Variants in ITGA2 observed in about 807,000 individuals in gnomAD.
ITGA2 encodes integrin alpha-2.
ITGA2 carries 101 observed loss-of-function variants against 146.3 expected under a neutral mutation model. That is an observed-to-expected ratio of 0.69 (90% CI 0.59 to 0.81). The LOEUF is 0.81. ITGA2 is among the 40% of genes least tolerant of loss of function. The probability of loss-of-function intolerance (pLI) is 0.00; values close to 1 mark genes in which losing one functional copy is unlikely to be tolerated. For synonymous variants in ITGA2, 477 were observed against 487.1 expected, an observed-to-expected ratio of 0.98 and a Z score of 0.27; for missense variants, 1,281 against 1,402.7, an observed-to-expected ratio of 0.91 and a Z score of 1.39.
intron 2 of ITGA2, among the ~76,000 whole-genome samples, chr5:53,029,557 C>T (rs1218146143): frequency 6.6e-6 from 1 of 152,198 alleles, no homozygotes; most frequent in African/African-American, 2.4e-5. Context: ...TCCTCATAGA[C>T]CTTTCAGAGC....
chr5:53,011,515 C>G (rs1394162811), intron 1 of ITGA2, among the ~76,000 whole-genome samples: 1 of 152,132 alleles, frequency 6.6e-6, no homozygotes, highest in African/African-American at 2.4e-5. Context: ...CCTCAAAGTC[C>G]TATTCAGCTT....
At chr5:53,023,130 A>C (rs1742770311) in intron 1 of ITGA2, among the ~76,000 whole-genome samples, 1 of 152,240 alleles carries the variant, frequency 6.6e-6, no homozygotes, top group South Asian at 2.1e-4. Flanking sequence ...AGGACAAAGA[A>C]GGAAGATTTA....
intron 18 of ITGA2, 65 bp downstream of exon 18, chr5:53,072,113 T>C: frequency 8.9e-7 from 1 of 1,124,292 alleles, no homozygotes; most frequent in African/African-American, 1.5e-5. Flanking sequence ...ACTGCAATAG[T>C]GTCTGAAGGA....
Position 53,092,935 on chromosome 5 carries a change from C to G in ITGA2, c.*2336C>G, listed in dbSNP as rs1216262857. 1.7e-5 allele frequency: 2 copies of G among 120,600 alleles called. No individual in the cohort carries two copies. The highest frequency in any genetic ancestry group is 3.5e-5 in the Non-Finnish European group (2 of 56,370). 7.5% of individuals were successfully genotyped at this position (120,600 alleles called of 1,614,324 possible). On this transcript the variant is annotated 3_prime_UTR_variant, in exon 30 of 30. Transcript: ENST00000296585. ...CTAGCCTGGCCAACATGGTGAAACC[C>G]CATCTCTAATAATATAAAAATTAGC... is the stretch of plus-strand genomic sequence containing the variant.
chr5:53,048,795 T>G, intron 6 of ITGA2, 25 bp downstream of exon 6: 1 of 1,611,592 alleles, frequency 6.2e-7, no homozygotes, highest in African/African-American at 1.3e-5. Context: ...AATGCATAAC[T>G]AACTTATGGC....
intron 25 of ITGA2, among the ~76,000 whole-genome samples, chr5:53,081,165 C>T (rs1745898710): frequency 6.6e-6 from 1 of 152,132 alleles, no homozygotes; most frequent in African/African-American, 2.4e-5. Flanking sequence ...TAACACGCAA[C>T]CTGGGCTGAG....
chr5:53,072,564 C>A, intron 18 of ITGA2, 49 bp from the exon 19 acceptor site: 1 of 1,422,448 alleles, frequency 7.0e-7, no homozygotes, highest in Middle Eastern at 1.8e-4. Context: ...CTGTAATTTG[C>A]TTTTTCAACC....
At chr5:53,064,186 A>G (rs1281422051) in intron 13 of ITGA2, among the ~76,000 whole-genome samples, 1 of 151,956 alleles carries the variant, frequency 6.6e-6, no homozygotes, top group African/African-American at 2.4e-5. Flanking sequence ...GGTAATTTTT[A>G]CAGAAAGCCT....
At chr5:53,067,357 G>A (rs918622051) in intron 16 of ITGA2, 100 bp downstream of exon 16, 2 of 1,323,736 alleles carry the variant, frequency 1.5e-6, no homozygotes, top group Non-Finnish European at 2.1e-6. Context: ...AGAAATAAGG[G>A]TTTTAGTTAT....
Position 53,048,420 on chromosome 5 carries a change from T to C in ITGA2, c.445T>C (p.Cys149Arg). The change falls in exon 5 of 30, where the codon TGT (cysteine) becomes CGT (arginine). Residue 149 changes from cysteine (C) to arginine (R), a missense_variant. Physicochemically the swap from Cys to Arg is radical, Grantham distance 180. Around this residue, in one of 3 missense-constraint regions of ITGA2, gnomAD observed 795 missense variants for 841.7 expected, o/e 0.94. Coordinates refer to ENST00000296585, the MANE Select transcript of ITGA2 (RefSeq NM_002203.4). ...GAATCAGTATTACACAACGGGTGTG[T>C]GTTCTGACATCAGTCCTGATTTTCA... The part of the protein sequence containing the change: ...CGNQYYTTGV[C>R]SDISPDFQLS... The C allele has an allele frequency of 6.2e-7, 1 of 1,614,166 alleles. No individual in the cohort carries two copies. Among genetic ancestry groups the C allele is most frequent in the Non-Finnish European group, 8.5e-7 (1 of 1,180,002 alleles).
intron 2 of ITGA2, among the ~76,000 whole-genome samples, chr5:53,038,454 G>A (rs1743607508): frequency 6.6e-6 from 1 of 152,170 alleles, no homozygotes; most frequent in Admixed American, 6.5e-5. Context: ...AGGCCCCACA[G>A]TATGGATGTA....
intron 1 of ITGA2, among the ~76,000 whole-genome samples, chr5:53,016,321 C>G (rs900809530): frequency 6.6e-6 from 1 of 152,154 alleles, no homozygotes; most frequent in African/African-American, 2.4e-5. Context: ...CTGAAAAGAT[C>G]TTATTTCTCC....
chr5:53,081,180 G>A (rs1203104484), intron 25 of ITGA2, among the ~76,000 whole-genome samples: 10 of 152,132 alleles, frequency 6.6e-5, no homozygotes, highest in Admixed American at 6.6e-5. Flanking sequence ...GCTGAGAAGC[G>A]CTGCTCTAGC....
intron 12 of ITGA2, among the ~76,000 whole-genome samples, chr5:53,062,227 A>G (rs542738995): frequency 6.6e-6 from 1 of 151,952 alleles, no homozygotes; most frequent in African/African-American, 2.4e-5. Flanking sequence ...AGAAAACTCC[A>G]TGTCCTTCTT....
At chr5:53,004,482 G>C (rs536629393) in intron 1 of ITGA2, among the ~76,000 whole-genome samples, 4 of 151,992 alleles carry the variant, frequency 2.6e-5, no homozygotes, top group African/African-American at 4.8e-5. Context: ...TTTATTTAAG[G>C]GACCTTCTTA....
intron 1 of ITGA2, among the ~76,000 whole-genome samples, chr5:52,995,071 A>T (rs1741168972): frequency 6.6e-6 from 1 of 152,222 alleles, no homozygotes; most frequent in Non-Finnish European, 1.5e-5. Context: ...CCTGGGGCAG[A>T]TGTTTAGGTT....
intron 11 of ITGA2, among the ~76,000 whole-genome samples, chr5:53,060,681 G>A (rs1273475930): frequency 6.6e-6 from 1 of 151,852 alleles, no homozygotes; most frequent in Non-Finnish European, 1.5e-5. Flanking sequence ...AGTTTTATAG[G>A]TAGAAGTCCC....
In ITGA2 at chr5:53,016,673, A is replaced by G. The variant is rs186073062; in HGVS notation, c.65-10075A>G. On this transcript the variant is annotated intron_variant, in intron 1 of 29. Coordinates refer to ENST00000296585, the MANE Select transcript of ITGA2 (RefSeq NM_002203.4). ...GAAATTTTCACGGATGATATCCTCA[A>G]ATATGTTTTCCAAGTTGCTTTCTTT... is the stretch of plus-strand genomic sequence containing the variant. Among the ~76,000 whole-genome samples, 178 of 152,310 alleles carry G rather than the reference A, an allele frequency of 1.2e-3. 2 individuals are homozygous for G. In the South Asian group the frequency reaches 0.027, roughly 23 times the overall value.
At chr5:52,993,544 TAGTGGCTGTG>T (rs1373422564) in intron 1 of ITGA2, among the ~76,000 whole-genome samples, 1 of 152,174 alleles carries the variant, frequency 6.6e-6, no homozygotes, top group Admixed American at 6.5e-5. Flanking sequence ...CATCAAGAGT[TAGTGGCTGTG>T]AGCGGCTGTG....
Sources: allele counts gnomAD v4.1 joint callset (sites outside exome capture counted in the v4.1 genomes callset), GRCh38; gene constraint gnomAD v4.1.1; regional missense constraint gnomAD v4.1.1; transcripts MANE v1.5; gene names NCBI Gene and HGNC (gene_info 2026-07-23, HGNC 2026-07-21).